TRIM44: variants seen among roughly 807,000 people sequenced by gnomAD.
The protein encoded by TRIM44 is tripartite motif-containing protein 44.
A neutral mutation model predicts 37.4 loss-of-function variants in TRIM44; 13 were observed. The ratio of observed to expected loss-of-function variants is 0.35; its 90% CI spans 0.23 to 0.55. TRIM44 has a LOEUF of 0.55. Ranked by LOEUF, TRIM44 falls within the 20% of genes least tolerant of loss-of-function variation. The pLI, the probability that TRIM44 is intolerant of heterozygous loss-of-function variation, is 0.89. For synonymous variants in TRIM44, 175 were observed against 157.2 expected, an observed-to-expected ratio of 1.11 and a Z score of -0.85; for missense variants, 426 against 437.2, an observed-to-expected ratio of 0.97 and a Z score of 0.23.
intron 4 of TRIM44, among the ~76,000 whole-genome samples, chr11:35,779,176 C>T (rs1172444925): frequency 6.6e-6 from 1 of 152,202 alleles, no homozygotes; most frequent in Non-Finnish European, 1.5e-5. Context: ...TGCCACCTTG[C>T]AATTCGATCT....
chr11:35,791,430 A>G (rs148890191), intron 4 of TRIM44, among the ~76,000 whole-genome samples: 2 of 152,162 alleles, frequency 1.3e-5, no homozygotes, highest in African/African-American at 2.4e-5. Context: ...TAGATGCCAT[A>G]TGGAGCCCTG....
rs754770882 is a variant in TRIM44 at position 35,738,447 on chromosome 11, G to A, written c.1007+3002G>A. 3.1e-4 allele frequency among the ~76,000 whole-genome samples: 47 copies of A among 152,248 alleles called. 1 individual carries two copies. Among genetic ancestry groups the A allele is most frequent in the Admixed American group, 2.6e-4 (4 of 15,286 alleles). ...GGAGTCCATTGGACTAGGAGTTGAC[G>A]GATCCCTTTTTGGTACAATAAGTAC... On this transcript the variant is annotated intron_variant, in intron 4 of 4. Transcript: ENST00000299413.
intron 4 of TRIM44, among the ~76,000 whole-genome samples, chr11:35,758,968 G>C (rs1236108035): frequency 1.3e-5 from 2 of 152,218 alleles, no homozygotes; most frequent in Non-Finnish European, 2.9e-5. Flanking sequence ...GAACCTGACA[G>C]TTATGTGTCT....
Position 35,810,304 on chromosome 11 carries a change from G to A in TRIM44, c.*3919G>A, listed in dbSNP as rs1244877322. The A allele has an allele frequency of 6.6e-6, 1 of 152,100 alleles. No homozygotes were observed. Among genetic ancestry groups the A allele is most frequent in the Non-Finnish European group, 1.5e-5 (1 of 68,022 alleles). The allele number at this position is 152,100 out of a possible 1,614,324, so 9.4% of individuals were successfully genotyped here. On this transcript the variant is annotated 3_prime_UTR_variant, in exon 5 of 5. Transcript: ENST00000299413. ...TCCTGAAATTCCACATTCATATAAT[G>A]GCTGTGCAATACATGCTTCTCAATA...
chr11:35,713,251 C>G (rs1378727898), intron 2 of TRIM44, among the ~76,000 whole-genome samples: 2 of 152,186 alleles, frequency 1.3e-5, no homozygotes, highest in Admixed American at 6.5e-5. Context: ...AAAATAGATT[C>G]TACCATGTCT....
At chr11:35,742,479 TTAATTGTATTATATA>T (rs1376763553) in intron 4 of TRIM44, among the ~76,000 whole-genome samples, 1 of 135,862 alleles carries the variant, frequency 7.4e-6, no homozygotes, top group Non-Finnish European at 1.5e-5. Flanking sequence ...TATAATTATA[TTAATTGTATTATATA>T]TAATTATATT....
At chr11:35,697,490 A>G (rs1230692363) in intron 2 of TRIM44, among the ~76,000 whole-genome samples, 1 of 145,076 alleles carries the variant, frequency 6.9e-6, no homozygotes, top group Non-Finnish European at 1.5e-5. Context: ...TTTAGGGTAC[A>G]TGTGCACAAT....
chr11:35,778,161 A>T (rs1852999762), intron 4 of TRIM44, among the ~76,000 whole-genome samples: 1 of 151,396 alleles, frequency 6.6e-6, no homozygotes, highest in African/African-American at 2.4e-5. Flanking sequence ...GTTTCTTTTT[A>T]CTCTTTTTTC....
At chr11:35,742,447 T>C (rs1852410987) in intron 4 of TRIM44, among the ~76,000 whole-genome samples, 1 of 138,152 alleles carries the variant, frequency 7.2e-6, no homozygotes, top group Non-Finnish European at 1.5e-5. Flanking sequence ...ATATTAAATA[T>C]AATTATATTA....
At chr11:35,779,417 G>A (rs1853027924) in intron 4 of TRIM44, among the ~76,000 whole-genome samples, 1 of 152,082 alleles carries the variant, frequency 6.6e-6, no homozygotes, top group Admixed American at 6.5e-5. Context: ...GCCCCACCCT[G>A]CTTCAGCTCA....
chr11:35,720,631 A>G (rs1283888409), intron 2 of TRIM44, among the ~76,000 whole-genome samples: 2 of 152,114 alleles, frequency 1.3e-5, no homozygotes, highest in African/African-American at 4.8e-5. Context: ...TTAGCGGGAA[A>G]GCCTTGAGTT....
intron 4 of TRIM44, among the ~76,000 whole-genome samples, chr11:35,805,903 C>T (rs1814932221): frequency 6.6e-6 from 1 of 152,090 alleles, no homozygotes. Context: ...TTTCCAAGTG[C>T]AGAGTGCCAT....
intron 4 of TRIM44, among the ~76,000 whole-genome samples, chr11:35,788,583 T>C (rs1853159329): frequency 6.6e-6 from 1 of 152,234 alleles, no homozygotes; most frequent in African/African-American, 2.4e-5. Flanking sequence ...AGAATGCCCC[T>C]TGCAGCCATG....
At chr11:35,787,478 T>C (rs935843069) in intron 4 of TRIM44, among the ~76,000 whole-genome samples, 5 of 152,196 alleles carry the variant, frequency 3.3e-5, no homozygotes, top group African/African-American at 4.8e-5. Context: ...GCCTGTGACC[T>C]GGGGGCCTAG....
At chr11:35,739,217 T>C (rs1007270879) in intron 4 of TRIM44, among the ~76,000 whole-genome samples, 2 of 152,224 alleles carry the variant, frequency 1.3e-5, no homozygotes, top group Admixed American at 1.3e-4. Context: ...TTTATATATA[T>C]TCTAATTTAA....
chr11:35,696,249 C>CTCCT (rs750932136), intron 2 of TRIM44, among the ~76,000 whole-genome samples: 22 of 150,412 alleles, frequency 1.5e-4, no homozygotes, highest in Non-Finnish European at 2.9e-4. Flanking sequence ...TCATGCCATT[C>CTCCT]TCCTGCCTCA....
intron 4 of TRIM44, among the ~76,000 whole-genome samples, chr11:35,743,635 ATTCT>A (rs1418082918): frequency 6.6e-6 from 1 of 152,098 alleles, no homozygotes; most frequent in Non-Finnish European, 1.5e-5. Context: ...CCTCTAATTT[ATTCT>A]TTCTTTTCTT....
chr11:35,801,092 C>G (rs1853362167), intron 4 of TRIM44, among the ~76,000 whole-genome samples: 1 of 152,208 alleles, frequency 6.6e-6, no homozygotes, highest in African/African-American at 2.4e-5. Context: ...AAGAAGGCAA[C>G]TCGCTCTGTC....
At chr11:35,732,387 G>GTATT (rs1263047112) in intron 3 of TRIM44, among the ~76,000 whole-genome samples, 2 of 152,230 alleles carry the variant, frequency 1.3e-5, no homozygotes, top group Non-Finnish European at 2.9e-5. Flanking sequence ...ATGGAAGTTG[G>GTATT]TATTTAATAG....
Sources: gnomAD v4.1 joint callset for allele counts (sites outside exome capture counted in the v4.1 genomes callset) on GRCh38, gnomAD v4.1.1 for gene constraint, MANE v1.5 for transcripts, NCBI Gene and HGNC (gene_info 2026-07-23, HGNC 2026-07-21) for gene names.